CRPPA: variants seen among roughly 807,000 people sequenced by gnomAD.
The protein encoded by CRPPA is D-ribitol-5-phosphate cytidylyltransferase.
CRPPA carries 43 observed loss-of-function variants against 52.0 expected under a neutral mutation model. The ratio of observed to expected loss-of-function variants is 0.83; its 90% confidence interval spans 0.65 to 1.07. The LOEUF (loss-of-function observed/expected upper bound fraction) is 1.07. Among genes scored for constraint, CRPPA ranks in the 50% least tolerant of loss-of-function variants. The pLI is 0.00. For synonymous variants in CRPPA, 250 were observed against 203.5 expected (o/e 1.23, Z -1.94); for missense variants, 629 against 551.7 (o/e 1.14, Z -1.40).
intron 3 of CRPPA, among the ~76,000 whole-genome samples, chr7:16,341,636 G>T (rs961018245): frequency 1.1e-4 from 17 of 152,070 alleles, no homozygotes; most frequent in African/African-American, 3.9e-4. Context: ...GAAATGCTAG[G>T]TTAAACAAAT....
intron 5 of CRPPA, among the ~76,000 whole-genome samples, chr7:16,289,383 C>T (rs1169111665): frequency 6.6e-6 from 1 of 152,008 alleles, no homozygotes; most frequent in Non-Finnish European, 1.5e-5. Context: ...GATACCAAAA[C>T]CAGACAAGAA....
chr7:16,117,619 C>T (rs1197803594), intron 9 of CRPPA, among the ~76,000 whole-genome samples: 2 of 152,206 alleles, frequency 1.3e-5, no homozygotes, highest in Non-Finnish European at 2.9e-5. Flanking sequence ...GGGAGCACAT[C>T]CTTGCCACTT....
At chr7:16,378,688 T>C (rs1207534926) in intron 2 of CRPPA, among the ~76,000 whole-genome samples, 1 of 150,404 alleles carries the variant, frequency 6.6e-6, no homozygotes, top group Non-Finnish European at 1.5e-5. Context: ...ATCGCCACAC[T>C]GACTTCCACA....
intron 9 of CRPPA, among the ~76,000 whole-genome samples, chr7:16,213,682 G>A (rs955635208): frequency 2.0e-5 from 3 of 151,468 alleles, no homozygotes; most frequent in African/African-American, 7.3e-5. Flanking sequence ...CCAGGAGGTG[G>A]AGGTTGCAAT....
At chr7:16,112,377 G>A (rs1445229157) in intron 9 of CRPPA, among the ~76,000 whole-genome samples, 1 of 151,548 alleles carries the variant, frequency 6.6e-6, no homozygotes, top group African/African-American at 2.4e-5. Context: ...AATACCATTA[G>A]TTGAACTAAG....
intron 9 of CRPPA, among the ~76,000 whole-genome samples, chr7:16,180,271 G>C (rs1279778144): frequency 6.6e-6 from 1 of 151,908 alleles, no homozygotes; most frequent in Non-Finnish European, 1.5e-5. Context: ...AAGCCCTTTT[G>C]GTAATGCTAA....
At chr7:16,161,568 C>T (rs4348272) in intron 9 of CRPPA, among the ~76,000 whole-genome samples, 3 of 152,144 alleles carry the variant, frequency 2.0e-5, no homozygotes, top group Admixed American at 2.0e-4. Context: ...TTTTAATGTG[C>T]TGCTGGATTC....
chr7:16,353,884 C>T (rs1786225153), intron 3 of CRPPA, among the ~76,000 whole-genome samples: 1 of 151,920 alleles, frequency 6.6e-6, no homozygotes, highest in African/African-American at 2.4e-5. Flanking sequence ...TTAATTTGTC[C>T]TCACTACCAA....
intron 8 of CRPPA, among the ~76,000 whole-genome samples, chr7:16,223,669 G>T (rs1238083011): frequency 3.9e-5 from 6 of 151,968 alleles, no homozygotes; most frequent in African/African-American, 1.5e-4. Context: ...AATTCAGTTG[G>T]TACAAAATCA....
chr7:16,283,715 G>C (rs186710722), intron 5 of CRPPA, among the ~76,000 whole-genome samples: 15 of 151,664 alleles, frequency 9.9e-5, no homozygotes, highest in African/African-American at 3.6e-4. Flanking sequence ...GCATTCAGTC[G>C]CCCATTGCAC....
chr7:16,102,304 A>C (rs1782062269), intron 9 of CRPPA, among the ~76,000 whole-genome samples: 1 of 152,174 alleles, frequency 6.6e-6, no homozygotes, highest in South Asian at 2.1e-4. Context: ...ACAAAAATTA[A>C]CTCAAGATGG....
chr7:16,396,456 C>A (rs1324319410), intron 2 of CRPPA, among the ~76,000 whole-genome samples: 1 of 152,186 alleles, frequency 6.6e-6, no homozygotes, highest in Non-Finnish European at 1.5e-5. Flanking sequence ...CGGAACACTT[C>A]TACACTGCTG....
chr7:16,201,128 C>T lies in CRPPA; in HGVS notation c.1251+14938G>A, dbSNP rs1781843894. On this transcript the variant is annotated intron_variant, in intron 9 of 9. Coordinates refer to ENST00000407010, the MANE Select transcript of CRPPA (RefSeq NM_001101426.4). Reference sequence around the variant, plus strand: ...AGGAGAGATCAAGGGTACACACACACACCATTTAGTTTGATTCAATTTCAT... The same window carrying T: ...AGGAGAGATCAAGGGTACACACACATACCATTTAGTTTGATTCAATTTCAT... Among the ~76,000 whole-genome samples, 5 of 152,176 alleles carry T rather than the reference C, an allele frequency of 3.3e-5. No homozygotes were observed. In the South Asian group the frequency reaches 1.0e-3, roughly 31 times the overall value.
chr7:16,420,170 C>T (rs992119594), intron 1 of CRPPA, among the ~76,000 whole-genome samples: 4 of 152,168 alleles, frequency 2.6e-5, no homozygotes, highest in Non-Finnish European at 4.4e-5. Flanking sequence ...GCAATGTATG[C>T]TAAAGGATGA....
intron 3 of CRPPA, among the ~76,000 whole-genome samples, chr7:16,337,517 C>T (rs1785716125): frequency 6.6e-6 from 1 of 151,726 alleles, no homozygotes; most frequent in African/African-American, 2.4e-5. Flanking sequence ...AGATCACAAC[C>T]AAAATTTAGA....
At chr7:16,118,986 C>T (rs1017598105) in intron 9 of CRPPA, among the ~76,000 whole-genome samples, 2 of 152,040 alleles carry the variant, frequency 1.3e-5, no homozygotes, top group African/African-American at 4.8e-5. Context: ...TGAGGCTGCC[C>T]TCATCCTCAG....
chr7:16,273,630 T>G (rs1389884490), intron 6 of CRPPA, among the ~76,000 whole-genome samples: 1 of 152,082 alleles, frequency 6.6e-6, no homozygotes, highest in Non-Finnish European at 1.5e-5. Flanking sequence ...AATTAACTGA[T>G]GCAGCCTGAT....
intron 8 of CRPPA, among the ~76,000 whole-genome samples, chr7:16,227,160 C>T (rs1381226650): frequency 6.6e-6 from 1 of 151,864 alleles, no homozygotes; most frequent in African/African-American, 2.4e-5. Context: ...AGGTTGATTC[C>T]ATATCCTAGC....
chr7:16,155,785 T>C (rs1367470428), intron 9 of CRPPA, among the ~76,000 whole-genome samples: 1 of 152,204 alleles, frequency 6.6e-6, no homozygotes, highest in African/African-American at 2.4e-5. Flanking sequence ...TTTTTAACTG[T>C]GCAGTGGGTC....
Sources: allele counts gnomAD v4.1 joint callset (sites outside exome capture counted in the v4.1 genomes callset), GRCh38; gene constraint gnomAD v4.1.1; transcripts MANE v1.5; gene names NCBI Gene and HGNC (gene_info 2026-07-23, HGNC 2026-07-21).